Variants in AK5 observed in about 807,000 individuals in gnomAD.
The protein encoded by AK5 is adenylate kinase 5.
Under a neutral mutation model 69.5 loss-of-function variants are expected in AK5, and 27 were observed. The observed-to-expected ratio is 0.39, with a 90% CI of 0.29 to 0.54. AK5 has a LOEUF of 0.54. Among genes scored for constraint, AK5 ranks in the 20% least tolerant of loss-of-function variants. AK5 has a pLI of 0.71. For synonymous variants in AK5, 260 were observed against 244.4 expected, an observed-to-expected ratio of 1.06 and a Z score of -0.60; for missense variants, 531 against 700.4, an observed-to-expected ratio of 0.76 and a Z score of 2.73.
At chr1:77,374,070 C>T (rs148981822) in intron 6 of AK5, among the ~76,000 whole-genome samples, 221 of 152,234 alleles carry the variant, frequency 1.5e-3, no homozygotes, top group South Asian at 3.1e-3. Flanking sequence ...CATTTCCCAA[C>T]GGAATTAATT....
At chr1:77,537,444 C>T (rs1313906177) in intron 13 of AK5, among the ~76,000 whole-genome samples, 1 of 152,088 alleles carries the variant, frequency 6.6e-6, no homozygotes, top group Non-Finnish European at 1.5e-5. Flanking sequence ...ATCAGGATTT[C>T]AATCTAGAAA....
At chr1:77,479,152 T>A (rs150960469) in intron 8 of AK5, among the ~76,000 whole-genome samples, 51 of 151,726 alleles carry the variant, frequency 3.4e-4, no homozygotes, top group African/African-American at 1.1e-3. Context: ...ACCAACATAT[T>A]ACCCAATCTA....
chr1:77,368,233 A>AT (rs1197320761), intron 6 of AK5, among the ~76,000 whole-genome samples: 8 of 12,712 alleles, frequency 6.3e-4, no homozygotes, highest in Non-Finnish European at 1.5e-3. Flanking sequence ...ATATATATAT[A>AT]TATATATATA....
chr1:77,451,102 G>C (rs1653121598), intron 8 of AK5, among the ~76,000 whole-genome samples: 1 of 151,888 alleles, frequency 6.6e-6, no homozygotes, highest in Admixed American at 6.6e-5. Flanking sequence ...CTTGAGCCTG[G>C]GAGGTTGAGG....
intron 6 of AK5, among the ~76,000 whole-genome samples, chr1:77,353,069 G>T (rs1016394369): frequency 6.6e-6 from 1 of 152,002 alleles, no homozygotes; most frequent in African/African-American, 2.4e-5. Flanking sequence ...AAAAAAATAA[G>T]AAATTTGTTT....
At chr1:77,439,220 A>G (rs1258414595) in intron 8 of AK5, among the ~76,000 whole-genome samples, 1 of 152,182 alleles carries the variant, frequency 6.6e-6, no homozygotes, top group Non-Finnish European at 1.5e-5. Flanking sequence ...GTAGTAATCT[A>G]TGTGCATATT....
chr1:77,320,673 C>T (rs545190251), intron 5 of AK5, among the ~76,000 whole-genome samples: 5 of 152,110 alleles, frequency 3.3e-5, no homozygotes, highest in African/African-American at 9.6e-5. Flanking sequence ...TGCTTGAATC[C>T]GAGAAGCAGA....
intron 8 of AK5, among the ~76,000 whole-genome samples, chr1:77,437,557 A>G (rs1408529271): frequency 6.6e-6 from 1 of 152,176 alleles, no homozygotes; most frequent in Non-Finnish European, 1.5e-5. Context: ...CAGTTTCCAC[A>G]GCAGTTTGAT....
chr1:77,491,025 C>T (rs1037907868), intron 10 of AK5, among the ~76,000 whole-genome samples: 2 of 152,138 alleles, frequency 1.3e-5, no homozygotes, highest in African/African-American at 2.4e-5. Context: ...AAGGCCATAG[C>T]TTTCAATGTG....
intron 12 of AK5, among the ~76,000 whole-genome samples, chr1:77,522,463 A>G (rs1471621535): frequency 2.0e-5 from 3 of 152,126 alleles, no homozygotes; most frequent in Non-Finnish European, 4.4e-5. Flanking sequence ...GAGCAAGGGC[A>G]CCACACCTGA....
intron 5 of AK5, among the ~76,000 whole-genome samples, chr1:77,335,020 A>G (rs574039394): frequency 1.3e-5 from 2 of 152,164 alleles, no homozygotes; most frequent in Non-Finnish European, 2.9e-5. Context: ...TTTCTTTAGT[A>G]CTTTACTTTC....
chr1:77,419,427 G>T (rs1270488397), intron 8 of AK5, among the ~76,000 whole-genome samples: 1 of 151,806 alleles, frequency 6.6e-6, no homozygotes. Flanking sequence ...AAATCTGAAA[G>T]AAATCATAAT....
intron 6 of AK5, among the ~76,000 whole-genome samples, chr1:77,376,118 C>T (rs2100489684): frequency 6.6e-6 from 1 of 152,286 alleles, no homozygotes; most frequent in East Asian, 1.9e-4. Flanking sequence ...ACACATTCAG[C>T]ACAGCTTCAG....
At chr1:77,292,151 CT>C (rs1658723093) in intron 2 of AK5, among the ~76,000 whole-genome samples, 2 of 152,206 alleles carry the variant, frequency 1.3e-5, no homozygotes, top group Admixed American at 6.5e-5. Flanking sequence ...CAAATAAAGT[CT>C]TGTGAGTAGA....
chr1:77,545,494 G>A (rs868589139), intron 13 of AK5, among the ~76,000 whole-genome samples: 3 of 152,284 alleles, frequency 2.0e-5, no homozygotes, highest in Middle Eastern at 6.8e-3. Context: ...TTCTAGTTCA[G>A]TTTGGTTGTT....
intron 6 of AK5, chr1:77,349,588 T>A (rs932309712): frequency 6.6e-6 from 1 of 152,204 alleles, no homozygotes; most frequent in African/African-American, 2.4e-5. Flanking sequence ...TCATTTCTGT[T>A]TTTTAGAAAA....
At chr1:77,484,668 T>C (rs1570237737) in intron 9 of AK5, among the ~76,000 whole-genome samples, 1 of 152,192 alleles carries the variant, frequency 6.6e-6, no homozygotes, top group East Asian at 1.9e-4. Flanking sequence ...AATTAACACA[T>C]ACTATAGAAA....
chr1:77,475,285 T>A (rs1016709121), intron 8 of AK5, among the ~76,000 whole-genome samples: 3 of 141,512 alleles, frequency 2.1e-5, no homozygotes, highest in African/African-American at 7.9e-5. Flanking sequence ...TATATATTAC[T>A]CAGGGAGGTG....
At chr1:77,282,518 G>C in intron 1 of AK5, 145 bp downstream of exon 1, 4 of 1,378,518 alleles carry the variant, frequency 2.9e-6, no homozygotes, top group Non-Finnish European at 3.8e-6. Context: ...CCGCTCCCCC[G>C]AGGGTAGTCG....
Sources: allele counts gnomAD v4.1 joint callset (sites outside exome capture counted in the v4.1 genomes callset), GRCh38; gene constraint gnomAD v4.1.1; transcripts MANE v1.5; gene names NCBI Gene and HGNC (gene_info 2026-07-23, HGNC 2026-07-21).